GRHL2: variants seen among roughly 807,000 people sequenced by gnomAD.
The protein encoded by GRHL2 is grainyhead-like protein 2 homolog.
In GRHL2, 21 loss-of-function variants were observed where a neutral mutation model predicts 83.8. That is an observed-to-expected ratio of 0.25 (90% CI 0.18 to 0.36). The LOEUF is 0.36. Among genes scored for constraint, GRHL2 ranks in the 10% least tolerant of loss-of-function variants. The probability of loss-of-function intolerance (pLI) is 1.00; values close to 1 mark genes in which losing one functional copy is unlikely to be tolerated. For synonymous variants in GRHL2, 280 were observed against 278.9 expected, an observed-to-expected ratio of 1.00 and a Z score of -0.04; for missense variants, 623 against 781.8, an observed-to-expected ratio of 0.80 and a Z score of 2.42.
Position 101,667,293 on chromosome 8 carries a change from G to C in GRHL2, c.*590G>C, listed in dbSNP as rs1300647694. On this transcript the variant is annotated 3_prime_UTR_variant, in exon 16 of 16. Transcript: ENST00000646743. ...CAGGCCTTGTACAGGAAGACATTCA[G>C]TCACCGTGTAATTAGTAACACAGAA... 5.7e-6 allele frequency: 1 copy of C among 175,492 alleles called. No individual in the cohort carries two copies. Among genetic ancestry groups the C allele is most frequent in the African/African-American group, 2.4e-5 (1 of 42,402 alleles). The allele number at this position is 175,492 out of a possible 1,614,324, so 10.9% of individuals were successfully genotyped here.
intron 2 of GRHL2, among the ~76,000 whole-genome samples, chr8:101,545,445 A>G (rs1031151837): frequency 7.5e-3 from 13 of 1,734 alleles, no homozygotes; most frequent in East Asian, 0.074. Context: ...GAATTCCTGA[A>G]AAAAAAAAAA....
At chr8:101,508,847 G>T (rs1810391759) in intron 1 of GRHL2, among the ~76,000 whole-genome samples, 1 of 152,120 alleles carries the variant, frequency 6.6e-6, no homozygotes, top group Non-Finnish European at 1.5e-5. Flanking sequence ...AGATGAGACA[G>T]TTAGGTCAAG....
Position 101,599,138 on chromosome 8 carries a change from A to G in GRHL2, c.1085A>G (p.Asn362Ser), listed in dbSNP as rs774388485. ...YNAVSFTWDV[N>S]EEAKIFITVN... Reference sequence around the variant, plus strand: ...GCTGTTTCCTTTACCTGGGACGTGAATGAAGAGGCGAAGGTGAGTGACATT... The same window carrying G: ...GCTGTTTCCTTTACCTGGGACGTGAGTGAAGAGGCGAAGGTGAGTGACATT... Residue 362 changes from asparagine (N) to serine (S), a missense_variant, in exon 8 of 16, where the codon AAT becomes AGT. Asn to Ser is a conservative substitution (Grantham distance 46, BLOSUM62 1). This residue lies in a region of GRHL2 where 96 missense variants were observed against 144.8 expected (regional missense o/e 0.66). Transcript: ENST00000646743. 1.9e-6 allele frequency: 3 copies of G among 1,607,422 alleles called. No homozygotes were observed. The highest frequency in any genetic ancestry group is 2.2e-5 in the South Asian group (2 of 90,944).
intron 5 of GRHL2, among the ~76,000 whole-genome samples, chr8:101,570,758 T>C (rs1811804966): frequency 6.6e-6 from 1 of 152,218 alleles, no homozygotes; most frequent in Non-Finnish European, 1.5e-5. Flanking sequence ...TTTTATTTCC[T>C]ATTGTGGCTA....
intron 13 of GRHL2, among the ~76,000 whole-genome samples, chr8:101,644,849 A>ATTT (rs1160474484): frequency 4.3e-5 from 6 of 140,706 alleles, no homozygotes; most frequent in Admixed American, 1.4e-4. Context: ...CCAGTACTGG[A>ATTT]TTTTTTTTTT....
At position 101,667,751 on chromosome 8, in the gene GRHL2, T is replaced by C. The variant is rs1814105910; in HGVS notation, c.*1048T>C. ...TTGGCTGCGGGCATGGCCTGAGCTT[T>C]CTGGAGAGCCTCTGCAGGGGGTTTG... is the stretch of plus-strand genomic sequence containing the variant. On this transcript the variant is annotated 3_prime_UTR_variant, in exon 16 of 16. Transcript: ENST00000646743. 1 of 152,872 alleles carries C rather than the reference T, an allele frequency of 6.5e-6. No individual in the cohort carries two copies. Among genetic ancestry groups the C allele is most frequent in the African/African-American group, 2.4e-5 (1 of 41,488 alleles). 9.5% of individuals were successfully genotyped at this position (152,872 alleles called of 1,614,324 possible).
At chr8:101,551,391 C>A (rs1419924036) in intron 2 of GRHL2, among the ~76,000 whole-genome samples, 1 of 151,976 alleles carries the variant, frequency 6.6e-6, no homozygotes, top group Admixed American at 6.6e-5. Flanking sequence ...AGATTTGAAC[C>A]CAGGCAAGCA....
chr8:101,619,835 CTTCTA>C (rs1039935041), intron 9 of GRHL2, 138 bp downstream of exon 9: 1 of 612,276 alleles, frequency 1.6e-6, no homozygotes, highest in African/African-American at 1.9e-5. Flanking sequence ...GAGTGGTAAT[CTTCTA>C]TTCTCAGTTC....
chr8:101,674,790 A>T, the GRHL2 span, among the ~76,000 whole-genome samples: 1 of 152,142 alleles, frequency 6.6e-6, no homozygotes. Flanking sequence ...CTTGATGAAC[A>T]TTGATGCAAA....
chr8:101,552,731 G>A lies in GRHL2; in HGVS notation c.233G>A (p.Arg78Lys), dbSNP rs753401708. The A allele has an allele frequency of 2.5e-6, 4 of 1,614,002 alleles. No individual in the cohort carries two copies. Among genetic ancestry groups the A allele is most frequent in the East Asian group, 2.2e-5 (1 of 44,890 alleles). The change falls in exon 3 of 16, where the codon AGG (arginine) becomes AAG (lysine). Residue 78 changes from arginine to lysine, a missense_variant. By Grantham distance (26) the Arg-to-Lys change is conservative. Around this residue, in one of 8 missense-constraint regions of GRHL2, gnomAD observed 239 missense variants for 240.5 expected, o/e 0.99. Coordinates refer to ENST00000646743, the MANE Select transcript of GRHL2 (RefSeq NM_024915.4). The part of the protein sequence containing the change: ...YDYYKVPRDK[R>K]LLSVSKASDS... ...TGTTTCCAGGTTCCTCGAGACAAGA[G>A]GCTGCTGTCTGTAAGCAAAGCAAGT...
chr8:101,566,259 G>A (rs1461831085), intron 4 of GRHL2, among the ~76,000 whole-genome samples: 1 of 152,002 alleles, frequency 6.6e-6, no homozygotes, highest in Non-Finnish European at 1.5e-5. Context: ...TTATACCTTA[G>A]GAGGATTTAA....
chr8:101,673,818 T>C (rs200549144), downstream of GRHL2, among the ~76,000 whole-genome samples: 4 of 151,922 alleles, frequency 2.6e-5, no homozygotes, highest in Admixed American at 6.6e-5. Context: ...TAAAGCACTC[T>C]TCAGCAAATG....
intron 2 of GRHL2, among the ~76,000 whole-genome samples, chr8:101,551,928 C>T (rs866547609): frequency 6.6e-6 from 1 of 151,486 alleles, no homozygotes; most frequent in Non-Finnish European, 1.5e-5. Context: ...CTCCGCCTCC[C>T]AGGTTCACGC....
chr8:101,650,852 T>G (rs1813608153), intron 14 of GRHL2, among the ~76,000 whole-genome samples: 1 of 150,346 alleles, frequency 6.7e-6, no homozygotes, highest in Non-Finnish European at 1.5e-5. Flanking sequence ...TCACCAGAAA[T>G]TTTTAAAAAC....
At chr8:101,580,732 C>G (rs1304460753) in intron 7 of GRHL2, among the ~76,000 whole-genome samples, 1 of 152,094 alleles carries the variant, frequency 6.6e-6, no homozygotes, top group Non-Finnish European at 1.5e-5. Flanking sequence ...GAGACGGCAT[C>G]TTGCTCTGTC....
rs914576627 is a variant in GRHL2 at position 101,658,278 on chromosome 8, A to G, written c.1699-6176A>G. Reference sequence around the variant, plus strand: ...GGTCTGTGAGTCTTGCCCCCAAACCATCTCAACATATGCCCATTTTCTCTA... The same window carrying G: ...GGTCTGTGAGTCTTGCCCCCAAACCGTCTCAACATATGCCCATTTTCTCTA... On this transcript the variant is annotated intron_variant, in intron 14 of 15. Coordinates refer to ENST00000646743, the MANE Select transcript of GRHL2 (RefSeq NM_024915.4). Among the ~76,000 whole-genome samples the G allele has an allele frequency of 5.3e-5, 8 of 152,144 alleles. No individual in the cohort carries two copies. In the South Asian group the frequency reaches 6.2e-4, roughly 12 times the overall value.
intron 1 of GRHL2, among the ~76,000 whole-genome samples, chr8:101,520,542 C>G (rs919317790): frequency 1.3e-5 from 2 of 152,112 alleles, no homozygotes; most frequent in Non-Finnish European, 2.9e-5. Flanking sequence ...ACGCAGCAGA[C>G]AGGGTGATCT....
chr8:101,665,381 G>A (rs1488781266), intron 15 of GRHL2, among the ~76,000 whole-genome samples: 8 of 152,266 alleles, frequency 5.3e-5, no homozygotes, highest in Admixed American at 2.0e-4. Flanking sequence ...ACTCTTCTCC[G>A]GATCACTTTC....
At chr8:101,567,957 G>C (rs1228299747) in intron 4 of GRHL2, among the ~76,000 whole-genome samples, 1 of 152,160 alleles carries the variant, frequency 6.6e-6, no homozygotes, top group Non-Finnish European at 1.5e-5. Context: ...AAACACTTTG[G>C]AAATGCATCT....
Sources: allele counts gnomAD v4.1 joint callset (sites outside exome capture counted in the v4.1 genomes callset), GRCh38; gene constraint gnomAD v4.1.1; regional missense constraint gnomAD v4.1.1; transcripts MANE v1.5; gene names NCBI Gene and HGNC (gene_info 2026-07-23, HGNC 2026-07-21).